Variants in RIN3 observed in about 807,000 individuals in gnomAD.
RIN3 encodes RAB5 interacting protein 3.
In RIN3, 54 loss-of-function variants were observed where a neutral mutation model predicts 76.3. That is an observed-to-expected ratio of 0.71 (90% confidence interval 0.57 to 0.89). The LOEUF (loss-of-function observed/expected upper bound fraction) is 0.89. Among genes scored for constraint, RIN3 ranks in the 40% least tolerant of loss-of-function variants. The probability of loss-of-function intolerance (pLI) is 0.00; values close to 1 mark genes in which losing one functional copy is unlikely to be tolerated. For missense variants in RIN3, 1,256 were observed against 1,322.1 expected, an observed-to-expected ratio of 0.95 and a Z score of 0.78; for synonymous variants, 576 against 564.0, an observed-to-expected ratio of 1.02 and a Z score of -0.30.
chr14:92,567,194 A>C (rs573813402), intron 2 of RIN3, among the ~76,000 whole-genome samples: 16 of 152,312 alleles, frequency 1.1e-4, no homozygotes, highest in Non-Finnish European at 2.1e-4. Flanking sequence ...ATTCGTCAGC[A>C]ATGCCTGATG....
At chr14:92,664,606 G>C (rs1888017254) in intron 7 of RIN3, among the ~76,000 whole-genome samples, 1 of 151,680 alleles carries the variant, frequency 6.6e-6, no homozygotes, top group South Asian at 2.1e-4. Context: ...TCCTGACCTC[G>C]TGTTCTGCCC....
intron 1 of RIN3, among the ~76,000 whole-genome samples, chr14:92,549,433 A>C (rs1595407163): frequency 6.6e-6 from 1 of 151,600 alleles, no homozygotes; most frequent in African/African-American, 2.4e-5. Flanking sequence ...CCTTCCCCCT[A>C]CCCCTAATAG....
intron 2 of RIN3, among the ~76,000 whole-genome samples, chr14:92,556,457 T>G (rs1897585434): frequency 6.6e-6 from 1 of 152,226 alleles, no homozygotes; most frequent in Admixed American, 6.5e-5. Context: ...TTAAATTTTC[T>G]AAGCCTCACT....
rs1435320003 is a variant in RIN3, at chr14:92,526,336, G to C, written c.44+12360G>C. Among the ~76,000 whole-genome samples the C allele has an allele frequency of 2.0e-5, 3 of 152,230 alleles. No individual in the cohort carries two copies. The East Asian group carries it at 5.8e-4, about 29-fold the overall frequency. The stretch of plus-strand genomic sequence containing the variant: ...TAGCTGGGCGTGGTGGTGCATGCCT[G>C]TAGTCCCAGCTACTTGGGAGGCTGA... On this transcript the variant is annotated intron_variant, in intron 1 of 9. Transcript: ENST00000216487.
At chr14:92,542,101 T>C (rs968821874) in intron 1 of RIN3, among the ~76,000 whole-genome samples, 1 of 152,120 alleles carries the variant, frequency 6.6e-6, no homozygotes, top group Admixed American at 6.6e-5. Context: ...GAGACCAGCC[T>C]GGGCAACATA....
At chr14:92,661,745 ACACACACACAC>A in intron 7 of RIN3, among the ~76,000 whole-genome samples, 1 of 135,174 alleles carries the variant, frequency 7.4e-6, no homozygotes, top group Non-Finnish European at 1.6e-5. Context: ...ACACACACAC[ACACACACACAC>A]ACAAAAAATA....
intron 3 of RIN3, among the ~76,000 whole-genome samples, chr14:92,593,763 G>A (rs1885064447): frequency 6.6e-6 from 1 of 152,176 alleles, no homozygotes; most frequent in Non-Finnish European, 1.5e-5. Flanking sequence ...AGTAAAGTAA[G>A]GGATAAAGAG....
intron 1 of RIN3, among the ~76,000 whole-genome samples, chr14:92,515,838 T>G (rs1896427390): frequency 6.6e-6 from 1 of 152,228 alleles, no homozygotes; most frequent in East Asian, 1.9e-4. Flanking sequence ...GAATATTGGT[T>G]TGTTGCTAAA....
intron 2 of RIN3, among the ~76,000 whole-genome samples, chr14:92,570,761 T>A (rs563739987): frequency 6.6e-6 from 1 of 152,130 alleles, no homozygotes; most frequent in Non-Finnish European, 1.5e-5. Flanking sequence ...CGACTCCAAA[T>A]GAACAAGGCC....
chr14:92,629,838 C>G (rs1886502658), intron 4 of RIN3, among the ~76,000 whole-genome samples: 1 of 152,202 alleles, frequency 6.6e-6, no homozygotes, highest in Non-Finnish European at 1.5e-5. Flanking sequence ...GGTTTCAAAC[C>G]AGACGCATCT....
At chr14:92,533,298 T>C (rs796910069) in intron 1 of RIN3, among the ~76,000 whole-genome samples, 34 of 152,304 alleles carry the variant, frequency 2.2e-4, no homozygotes, top group African/African-American at 7.9e-4. Context: ...TGGAAAACAG[T>C]GTGCAGATTC....
intron 4 of RIN3, among the ~76,000 whole-genome samples, chr14:92,634,068 CTTTTT>C (rs6145445): frequency 9.3e-6 from 1 of 108,104 alleles, no homozygotes; most frequent in Non-Finnish European, 2.0e-5. Context: ...CTAAAAATCC[CTTTTT>C]TTTTTTTTTT....
intron 1 of RIN3, among the ~76,000 whole-genome samples, chr14:92,534,159 T>C (rs774532589): frequency 2.0e-5 from 3 of 151,928 alleles, no homozygotes; most frequent in Non-Finnish European, 4.4e-5. Context: ...AATGATTATA[T>C]CTGATCTGCC....
Position 92,652,434 on chromosome 14 carries a change from G to C in RIN3, c.1385G>C (p.Arg462Thr), listed in dbSNP as rs777638785. The change falls in exon 6 of 10, where the codon AGG (arginine) becomes ACG (threonine). Residue 462 changes from arginine to threonine, a missense_variant. Arg to Thr is a moderately conservative substitution (Grantham distance 71, BLOSUM62 -1). Coordinates refer to ENST00000216487, the MANE Select transcript of RIN3 (RefSeq NM_024832.5). The surrounding 1 kb of genome is among the most constrained non-coding windows in gnomAD (Gnocchi z 6.4). ...AAACAACCCCCAGTCCCGCCCCCCA[G>C]GAAAAAACGGATCTCTCGACAACTG... is the stretch of plus-strand genomic sequence containing the variant. Reference protein sequence around the residue: ...TAKQPPVPPPRKKRISRQLAS... With the variant: ...TAKQPPVPPPTKKRISRQLAS... The C allele has an allele frequency of 1.9e-6, 3 of 1,613,786 alleles. No homozygotes were observed.
At chr14:92,673,687 G>A (rs535358329) in intron 7 of RIN3, among the ~76,000 whole-genome samples, 1 of 152,234 alleles carries the variant, frequency 6.6e-6, no homozygotes, top group East Asian at 1.9e-4. Context: ...TGTATTTTTA[G>A]CAGAGATGGG....
chr14:92,688,034 G>C lies in RIN3; in HGVS notation c.2740G>C (p.Ala914Pro), dbSNP rs771488498. ...GTGCGCGCAGTGCGCGGAGAAGTTC[G>C]CGGTGGAGCGGCCGCAGGCGCACCG... ...ALCAQCAEKF[A>P]VERPQAHRLF... Residue 914 changes from alanine to proline, a missense_variant, in exon 10 of 10, where the codon GCG becomes CCG. Ala to Pro is a conservative substitution (Grantham distance 27, BLOSUM62 -1). This residue lies in a region of RIN3 where 218 missense variants were observed against 174.5 expected (regional missense o/e 1.25). Coordinates refer to ENST00000216487, the MANE Select transcript of RIN3 (RefSeq NM_024832.5). 2 of 1,595,048 alleles carry C rather than the reference G, an allele frequency of 1.3e-6. No homozygotes were observed. The highest frequency in any genetic ancestry group is 1.7e-6 in the Non-Finnish European group (2 of 1,172,504).
chr14:92,654,790 A>T (rs976056974), intron 6 of RIN3, among the ~76,000 whole-genome samples: 4 of 152,212 alleles, frequency 2.6e-5, no homozygotes, highest in Non-Finnish European at 5.9e-5. Context: ...GCTGGCTCAG[A>T]TATAGAGACA....
intron 3 of RIN3, among the ~76,000 whole-genome samples, chr14:92,577,704 T>G (rs530584264): frequency 5.2e-4 from 79 of 152,338 alleles, no homozygotes; most frequent in African/African-American, 1.9e-3. Context: ...GCTGGGTGGC[T>G]TTGCATTCTC....
chr14:92,592,398 C>T (rs1162854648), intron 3 of RIN3, among the ~76,000 whole-genome samples: 3 of 124,256 alleles, frequency 2.4e-5, no homozygotes, highest in Admixed American at 8.7e-5. Flanking sequence ...GAGACTCTGT[C>T]TCAAAAAAAA....
Sources: allele counts gnomAD v4.1 joint callset (sites outside exome capture counted in the v4.1 genomes callset), GRCh38; gene constraint gnomAD v4.1.1; regional missense constraint gnomAD v4.1.1; non-coding constraint Gnocchi (gnomAD v3.1); transcripts MANE v1.5; gene names NCBI Gene and HGNC (gene_info 2026-07-23, HGNC 2026-07-21).